Variants in GALK1 observed in about 807,000 individuals in gnomAD.
GALK1 encodes galactokinase 1.
Under a neutral mutation model 38.6 loss-of-function variants are expected in GALK1, and 30 were observed. That is an observed-to-expected ratio of 0.78 (90% CI 0.58 to 1.05). The LOEUF is 1.05. GALK1 is among the 50% of genes least tolerant of loss of function. The pLI is 0.00. For synonymous variants in GALK1, 240 were observed against 233.6 expected, an observed-to-expected ratio of 1.03 and a Z score of -0.25; for missense variants, 512 against 540.5, an observed-to-expected ratio of 0.95 and a Z score of 0.52.
downstream of GALK1, among the ~76,000 whole-genome samples, chr17:75,755,399 C>T (rs553670000): frequency 9.8e-5 from 15 of 152,286 alleles, no homozygotes; most frequent in Admixed American, 8.5e-4. Context: ...CTCTGCCCTC[C>T]CAGGGGGCGG....
chr17:75,755,910 G>T, downstream of GALK1: 1 of 1,559,820 alleles, frequency 6.4e-7, no homozygotes, highest in South Asian at 1.1e-5. Flanking sequence ...GCCCCAGTGT[G>T]ACACATAGGG....
At position 75,763,146 on chromosome 17, in the gene GALK1, G is replaced by C. The variant is rs575077063; in HGVS notation, c.479C>G (p.Ser160Trp). Residue 160 changes from serine to tryptophan, a missense_variant, in exon 4 of 8, where the codon TCG becomes TGG. By Grantham distance (177) the Ser-to-Trp change is radical (BLOSUM62 -3). Coordinates refer to ENST00000588479, the MANE Select transcript of GALK1 (RefSeq NM_000154.2). ...CTGGGCGCGGGCAGCTATTGTGCCCGAGTCTGCAGTACAGGGTGAGGTGGG... is the reference window on the plus strand; with the variant it reads ...CTGGGCGCGGGCAGCTATTGTGCCCCAGTCTGCAGTACAGGGTGAGGTGGG... ...YTFLQQLCPD[S>W]GTIAARAQVC... The C allele has an allele frequency of 6.8e-6, 11 of 1,611,666 alleles. No individual in the cohort carries two copies. Among genetic ancestry groups the C allele is most frequent in the Non-Finnish European group, 8.5e-6 (10 of 1,180,000 alleles).
At chr17:75,757,285 C>G (rs768508726), downstream of GALK1, 1 of 1,611,884 alleles carries the variant, frequency 6.2e-7, no homozygotes, top group Non-Finnish European at 8.5e-7. Flanking sequence ...CCACCCACAC[C>G]AGCGCCACCG....
chr17:75,756,282 A>G, downstream of GALK1: 2 of 779,594 alleles, frequency 2.6e-6, no homozygotes, highest in Non-Finnish European at 4.3e-6. Context: ...AACCAGCCAT[A>G]CCATACTGTA....
downstream of GALK1, chr17:75,755,248 G>T: frequency 6.3e-7 from 1 of 1,585,486 alleles, no homozygotes. Flanking sequence ...CTCCACAGCT[G>T]TCCTGCTCCA....
At chr17:75,762,671 G>A (rs764980571) in intron 5 of GALK1, 33 bp downstream of exon 5, 22 of 1,610,202 alleles carry the variant, frequency 1.4e-5, no homozygotes, top group South Asian at 3.3e-5. Context: ...GAGCACAGCC[G>A]CCTCCAGGAT....
chr17:75,760,523 T>C (rs998894167), intron 5 of GALK1, among the ~76,000 whole-genome samples: 2 of 148,770 alleles, frequency 1.3e-5, no homozygotes, highest in African/African-American at 5.0e-5. Flanking sequence ...CCCAGCACTT[T>C]GGGAGGCCAA....
downstream of GALK1, chr17:75,754,825 C>G: frequency 6.2e-7 from 1 of 1,613,930 alleles, no homozygotes; most frequent in Non-Finnish European, 8.5e-7. Flanking sequence ...GGTGAGTGAC[C>G]TCAGCCAACC....
downstream of GALK1, chr17:75,757,691 T>C (rs762898258): frequency 1.6e-6 from 2 of 1,252,482 alleles, no homozygotes; most frequent in Non-Finnish European, 2.3e-6. Context: ...GCTAGGTGTC[T>C]CCTGGGAGGC....
downstream of GALK1, chr17:75,754,874 G>A: frequency 6.2e-7 from 1 of 1,610,896 alleles, no homozygotes; most frequent in Non-Finnish European, 8.5e-7. Context: ...TCCAGCTCCT[G>A]GAGCCTCGGG....
downstream of GALK1, chr17:75,756,798 A>G: frequency 1.9e-6 from 3 of 1,612,630 alleles, no homozygotes; most frequent in Non-Finnish European, 2.5e-6. Flanking sequence ...GGGAGCGGCC[A>G]CGGAGGCCCA....
chr17:75,755,257 CATCT>C, downstream of GALK1: 2 of 1,576,426 alleles, frequency 1.3e-6, no homozygotes, highest in Non-Finnish European at 8.6e-7. Context: ...TGTCCTGCTC[CATCT>C]GTCATCCAGC....
downstream of GALK1, chr17:75,755,763 C>T: frequency 2.5e-6 from 4 of 1,612,802 alleles, no homozygotes; most frequent in Non-Finnish European, 3.4e-6. Flanking sequence ...TGCCCTGGGG[C>T]CCACATCTCT....
intron 5 of GALK1, among the ~76,000 whole-genome samples, chr17:75,760,290 G>C (rs971216931): frequency 6.6e-6 from 1 of 151,750 alleles, no homozygotes; most frequent in Non-Finnish European, 1.5e-5. Flanking sequence ...ATGGGGTTTT[G>C]CCATGTTGCC....
At position 75,758,087 on chromosome 17, in the gene GALK1, G is replaced by A. The variant is rs1233720455; in HGVS notation, c.1148C>T (p.Ala383Val). The A allele has an allele frequency of 6.2e-7, 1 of 1,612,488 alleles. No homozygotes were observed. Among genetic ancestry groups the A allele is most frequent in the Admixed American group, 1.7e-5 (1 of 60,024 alleles). The change falls in exon 8 of 8, where the codon GCA becomes GTA. Residue 383 changes from alanine to valine, a missense_variant. Transcript: ENST00000588479. ...GGTATFYLSQAADGAKVLCL is the reference protein window; with the variant it reads ...GGTATFYLSQVADGAKVLCL ...GCACAGCACCTTGGCTCCATCGGCT[G>A]CTTGAGAGAGGTAGAAGGTGGCAGT...
At chr17:75,757,158 C>T, downstream of GALK1, 1 of 1,612,492 alleles carries the variant, frequency 6.2e-7, no homozygotes, top group Non-Finnish European at 8.5e-7. Context: ...GCCGTGCCTC[C>T]TTCTGGCACC....
At chr17:75,755,981 TGA>T (rs1400113375), downstream of GALK1, 18 of 1,131,742 alleles carry the variant, frequency 1.6e-5, no homozygotes, top group East Asian at 4.4e-4. Flanking sequence ...CCATCCAGCC[TGA>T]GAGGGTCTCC....
downstream of GALK1, chr17:75,753,989 C>T (rs779100324): frequency 8.9e-7 from 1 of 1,120,090 alleles, no homozygotes; most frequent in Non-Finnish European, 1.1e-6. Context: ...CAGGCTCACC[C>T]GCCGCCCCCC....
At chr17:75,756,994 C>G, downstream of GALK1, 9 of 1,612,862 alleles carry the variant, frequency 5.6e-6, no homozygotes, top group Non-Finnish European at 7.6e-6. Context: ...AGCCGGCTGA[C>G]CGTGCCGGGC....
Sources: gnomAD v4.1 joint callset for allele counts (sites outside exome capture counted in the v4.1 genomes callset) on GRCh38, gnomAD v4.1.1 for gene constraint, MANE v1.5 for transcripts, NCBI Gene and HGNC (gene_info 2026-07-23, HGNC 2026-07-21) for gene names.